Variants in PDGFRB observed in about 807,000 individuals in gnomAD.
The protein encoded by PDGFRB is platelet-derived growth factor receptor beta.
PDGFRB carries 42 observed loss-of-function variants against 120.2 expected under a neutral mutation model. That is an observed-to-expected ratio of 0.35 (90% CI 0.27 to 0.45). The LOEUF (loss-of-function observed/expected upper bound fraction) is 0.45. Ranked by LOEUF, PDGFRB falls within the 20% of genes least tolerant of loss-of-function variation. The probability of loss-of-function intolerance (pLI) is 1.00; values close to 1 mark genes in which losing one functional copy is unlikely to be tolerated. For missense variants in PDGFRB, 1,149 were observed against 1,476.3 expected (o/e 0.78, Z 3.63); for synonymous variants, 586 against 606.8 (o/e 0.97, Z 0.50).
At position 150,125,460 on chromosome 5, in the gene PDGFRB, C is replaced by T. The variant is rs1370532697; in HGVS notation, c.1792G>A (p.Asp598Asn). 2 of 1,612,068 alleles carry T rather than the reference C, an allele frequency of 1.2e-6. No individual in the cohort carries two copies. Among genetic ancestry groups the T allele is most frequent in the South Asian group, 1.1e-5 (1 of 90,834 alleles). ...PYDSTWELPR[D>N]QLVLGRTLGS... Reference sequence around the variant, plus strand: ...CAGGACTGACCCAGCACAAGCTGGTCCCGCGGCAGCTCCCACGTGGAGTCA... The same window carrying T: ...CAGGACTGACCCAGCACAAGCTGGTTCCGCGGCAGCTCCCACGTGGAGTCA... Residue 598 changes from aspartate to asparagine, a missense_variant, in exon 12 of 23, where the codon GAC (aspartate) becomes AAC (asparagine). By Grantham distance (23) the Asp-to-Asn change is conservative (BLOSUM62 1). Around this residue, in one of 3 missense-constraint regions of PDGFRB, gnomAD observed 879 missense variants for 1,108.6 expected, o/e 0.79. Coordinates refer to ENST00000261799, the MANE Select transcript of PDGFRB (RefSeq NM_002609.4).
In PDGFRB at chr5:150,134,863, T is replaced by C; in HGVS notation, c.518A>G (p.Tyr173Cys). The C allele has an allele frequency of 1.9e-6, 3 of 1,614,234 alleles. No individual in the cohort carries two copies. The highest frequency in any genetic ancestry group is 1.7e-5 in the Admixed American group (1 of 60,026). ...ACCAGAAAAGCCACGTTGGTGATCA[T>C]AGGGGACAGGCAGTGCAACGTCCCC... The part of the protein sequence containing the change: ...KKGDVALPVP[Y>C]DHQRGFSGIF... The change falls in exon 4 of 23, where the codon TAT (tyrosine) becomes TGT (cysteine). Residue 173 changes from tyrosine to cysteine, a missense_variant. Coordinates refer to ENST00000261799, the MANE Select transcript of PDGFRB (RefSeq NM_002609.4).
chr5:150,123,585 G>T (rs894095089), intron 14 of PDGFRB, among the ~76,000 whole-genome samples: 8 of 152,146 alleles, frequency 5.3e-5, no homozygotes, highest in African/African-American at 1.4e-4. Flanking sequence ...TGTTTACAAC[G>T]ATCACTTTAG....
intron 2 of PDGFRB, 98 bp downstream of exon 2, chr5:150,136,910 T>C (rs1299452320): frequency 2.2e-6 from 2 of 902,138 alleles, no homozygotes; most frequent in Admixed American, 2.1e-5. Context: ...GTGTGCCTGG[T>C]GCTTCACGCC....
intron 1 of PDGFRB, among the ~76,000 whole-genome samples, chr5:150,152,988 G>A (rs1355207286): frequency 3.3e-5 from 5 of 152,198 alleles, no homozygotes; most frequent in East Asian, 1.9e-4. Context: ...AAACTGACTC[G>A]GGGTCAATGC....
rs1001077813 is a variant in PDGFRB at position 150,115,283 on chromosome 5, G to A, written c.*480C>T. ...CCTAGCTCAGCCAGCAGCCAGGGAGGCTAGGGTCTCTTCCCTAGCTCCTGG... is the reference window on the plus strand; with the variant it reads ...CCTAGCTCAGCCAGCAGCCAGGGAGACTAGGGTCTCTTCCCTAGCTCCTGG... On this transcript the variant is annotated 3_prime_UTR_variant, in exon 23 of 23. Coordinates refer to ENST00000261799, the MANE Select transcript of PDGFRB (RefSeq NM_002609.4). 8 of 233,184 alleles carry A rather than the reference G, an allele frequency of 3.4e-5. No homozygotes were observed. The highest frequency in any genetic ancestry group is 6.8e-5 in the Non-Finnish European group (8 of 118,144). 14.4% of individuals were successfully genotyped at this position (233,184 alleles called of 1,614,324 possible).
chr5:150,119,066 A>G (rs1377752133), intron 20 of PDGFRB, among the ~76,000 whole-genome samples: 4 of 152,182 alleles, frequency 2.6e-5, no homozygotes, highest in Non-Finnish European at 4.4e-5. Flanking sequence ...CCACAGGTTG[A>G]CTACGCCTGG....
rs965667291 is a variant in PDGFRB at position 150,120,805 on chromosome 5, G to T, written c.2586+83C>A. On this transcript the variant is annotated intron_variant, in intron 18 of 22. Coordinates refer to ENST00000261799, the MANE Select transcript of PDGFRB (RefSeq NM_002609.4). This position sits in a 1 kb window ranked among gnomAD's most constrained non-coding sequence, Gnocchi z 4.3. Reference sequence around the variant, plus strand: ...GCCCCACACAGATTTCCTATGAGCTGCAGCCACACTGGTCAGGAGGGAATC... The same window carrying T: ...GCCCCACACAGATTTCCTATGAGCTTCAGCCACACTGGTCAGGAGGGAATC... The T allele has an allele frequency of 2.3e-6, 3 of 1,323,882 alleles. No homozygotes were observed. Among genetic ancestry groups the T allele is most frequent in the African/African-American group, 1.4e-5 (1 of 69,436 alleles). 82.0% of individuals were successfully genotyped at this position (1,323,882 alleles called of 1,614,324 possible). A position where few individuals can be genotyped will look rare whatever the true frequency, so the allele number is the denominator to read the frequency against.
chr5:150,129,452 C>G (rs1044224282), intron 10 of PDGFRB, among the ~76,000 whole-genome samples: 10 of 152,168 alleles, frequency 6.6e-5, no homozygotes, highest in Non-Finnish European at 1.3e-4. Context: ...AGGATTTGCA[C>G]CTATGTTCAA....
intron 1 of PDGFRB, among the ~76,000 whole-genome samples, chr5:150,141,279 G>A (rs1210838832): frequency 6.6e-6 from 1 of 152,236 alleles, no homozygotes; most frequent in East Asian, 1.9e-4. Flanking sequence ...CACAGAACAT[G>A]TGCACATAGA....
rs976140134 is a variant in PDGFRB at position 150,132,156 on chromosome 5, C to G, written c.1128-62G>C. ...GACTCTTACAGTTCTCCCCACCCTC[C>G]TGGTATAAAGAGGAACAAGGCCCAG... On this transcript the variant is annotated intron_variant, in intron 7 of 22. Transcript: ENST00000261799. This position sits in a 1 kb window ranked among gnomAD's most constrained non-coding sequence, Gnocchi z 5.0. 3.3e-6 allele frequency: 3 copies of G among 900,212 alleles called. No homozygotes were observed. The highest frequency in any genetic ancestry group is 1.6e-5 in the African/African-American group (1 of 61,362). The allele number at this position is 900,212 out of a possible 1,614,324, so 55.8% of individuals were successfully genotyped here.
chr5:150,129,549 A>G (rs1404226899), intron 10 of PDGFRB, among the ~76,000 whole-genome samples: 1 of 152,250 alleles, frequency 6.6e-6, no homozygotes, highest in Non-Finnish European at 1.5e-5. Context: ...CATGGCTTAC[A>G]GACTTGTGTT....
Position 150,114,839 on chromosome 5 carries a change from G to C in PDGFRB, c.*924C>G. On this transcript the variant is annotated 3_prime_UTR_variant, in exon 23 of 23. Transcript: ENST00000261799. ...TTTTTGAAGGGGAAACTGAGGCCCA[G>C]AGAGGGTGAGGGATTCCTCCAAAGC... The C allele has an allele frequency of 4.3e-6, 1 of 233,654 alleles. No homozygotes were observed. The highest frequency in any genetic ancestry group is 2.2e-5 in the African/African-American group (1 of 45,470). The allele number at this position is 233,654 out of a possible 1,614,324, so 14.5% of individuals were successfully genotyped here.
At chr5:150,149,421 G>A (rs185679907) in intron 1 of PDGFRB, among the ~76,000 whole-genome samples, 3 of 152,282 alleles carry the variant, frequency 2.0e-5, no homozygotes, top group South Asian at 4.1e-4. Flanking sequence ...TAAGCATGGG[G>A]CCCTCAGGAG....
chr5:150,151,378 G>A (rs1309032119), intron 1 of PDGFRB, among the ~76,000 whole-genome samples: 1 of 152,180 alleles, frequency 6.6e-6, no homozygotes, highest in Non-Finnish European at 1.5e-5. Context: ...CTGGAATGCT[G>A]AGGGCCCCCA....
chr5:150,135,902 A>G lies in PDGFRB; in HGVS notation c.41-24T>C, dbSNP rs376385743. ...GCCTTTGGGAGAGGAGGTATCAGAC[A>G]TCAGGAAACAGGGGCTTCAGCACCT... is the stretch of plus-strand genomic sequence containing the variant. On this transcript the variant is annotated intron_variant, in intron 2 of 22. Transcript: ENST00000261799. 5.4e-6 allele frequency: 8 copies of G among 1,494,752 alleles called. No homozygotes were observed. In the African/African-American group the frequency reaches 1.1e-4, roughly 21 times the overall value. The allele number at this position is 1,494,752 out of a possible 1,614,324, so 92.6% of individuals were successfully genotyped here.
At chr5:150,148,503 C>T (rs1450121433) in intron 1 of PDGFRB, among the ~76,000 whole-genome samples, 1 of 152,242 alleles carries the variant, frequency 6.6e-6, no homozygotes, top group Non-Finnish European at 1.5e-5. Context: ...GCAGAACAGA[C>T]ATATGGCACT....
intron 10 of PDGFRB, 146 bp from the exon 11 acceptor site, chr5:150,126,760 C>T: frequency 4.5e-6 from 3 of 662,414 alleles, no homozygotes; most frequent in Non-Finnish European, 8.2e-6. Context: ...GTCAGACCCT[C>T]AGCATCTCGC....
chr5:150,130,652 T>A lies in PDGFRB; in HGVS notation c.1254A>T (p.Arg418=), dbSNP rs1341471690. ...SFQLQINVPV[R]VLELSESHPD... The stretch of plus-strand genomic sequence containing the variant: ...GGTGGCTCTCACTTAGCTCCAGCAC[T>A]CGGACAGGGACTGCATGGAGAGAGC... The change falls in exon 9 of 23, where the codon CGA becomes CGT. Residue 418 remains arginine, a synonymous_variant. Transcript: ENST00000261799. 1 of 1,613,142 alleles carries A rather than the reference T, an allele frequency of 6.2e-7. No individual in the cohort carries two copies. Among genetic ancestry groups the A allele is most frequent in the African/African-American group, 1.3e-5 (1 of 74,986 alleles).
chr5:150,124,480 C>A (rs898867486), intron 13 of PDGFRB, 120 bp from the exon 14 acceptor site: 1 of 727,434 alleles, frequency 1.4e-6, no homozygotes, highest in South Asian at 1.8e-5. Context: ...GGCAGCCTGG[C>A]GGGGGTGAGC....
Sources: allele counts gnomAD v4.1 joint callset (sites outside exome capture counted in the v4.1 genomes callset), GRCh38; gene constraint gnomAD v4.1.1; regional missense constraint gnomAD v4.1.1; non-coding constraint Gnocchi (gnomAD v3.1); transcripts MANE v1.5; gene names NCBI Gene and HGNC (gene_info 2026-07-23, HGNC 2026-07-21).